DISP1: variants seen among roughly 807,000 people sequenced by gnomAD.
DISP1 encodes protein dispatched homolog 1.
In DISP1, 30 loss-of-function variants were observed where a neutral mutation model predicts 37.3. The ratio of observed to expected loss-of-function variants is 0.80; its 90% CI spans 0.60 to 1.09. The LOEUF (loss-of-function observed/expected upper bound fraction) is 1.09, where lower values mean the gene tolerates loss of function less well. Among genes scored for constraint, DISP1 ranks in the 50% least tolerant of loss-of-function variants. The pLI is 0.00. For synonymous variants in DISP1, 634 were observed against 690.2 expected (o/e 0.92, Z 1.28); for missense variants, 1,598 against 1,879.5 (o/e 0.85, Z 2.77).
intron 2 of DISP1, among the ~76,000 whole-genome samples, chr1:222,931,849 A>G (rs1351629043): frequency 6.6e-6 from 1 of 151,896 alleles, no homozygotes; most frequent in East Asian, 1.9e-4. Context: ...ATTTTCTTCA[A>G]AAGATCAATA....
chr1:222,992,286 AACT>A (rs1678758764), intron 7 of DISP1, among the ~76,000 whole-genome samples, 176 bp downstream of exon 7: 1 of 152,204 alleles, frequency 6.6e-6, no homozygotes, highest in Non-Finnish European at 1.5e-5. Flanking sequence ...TAGTTTAGTC[AACT>A]ACTAGTCTGA....
chr1:222,921,719 TAAC>T (rs748728776), intron 1 of DISP1, among the ~76,000 whole-genome samples: 9 of 152,336 alleles, frequency 5.9e-5, no homozygotes, highest in African/African-American at 1.2e-4. Context: ...ATATATGTAA[TAAC>T]AAGTTATAAA....
At chr1:222,827,142 G>A (rs1247440197) in intron 1 of DISP1, 2 of 152,190 alleles carry the variant, frequency 1.3e-5, no homozygotes, top group African/African-American at 4.8e-5. Flanking sequence ...ATGCTGTAAA[G>A]TTAGTCTTCT....
At position 222,991,549 on chromosome 1, in the gene DISP1, C is replaced by T. The variant is rs1678695987; in HGVS notation, c.693C>T (p.Gly231=). The part of the protein sequence containing the change: ...LGFEPRGTAI[G]QRLVTWNNMV... The stretch of plus-strand genomic sequence containing the variant: ...TTGAACCAAGAGGAACAGCAATAGG[C>T]CAGAGATTGGTCACATGGAATAATA... Residue 231 remains glycine, a synonymous_variant, in exon 6 of 9, where the codon GGC becomes GGT. Transcript: ENST00000675850. The T allele has an allele frequency of 1.2e-6, 2 of 1,613,582 alleles. No homozygotes were observed. The highest frequency in any genetic ancestry group is 2.7e-5 in the African/African-American group (2 of 74,848).
Position 223,005,102 on chromosome 1 carries a change from C to T in DISP1, c.3705C>T (p.Tyr1235=). Residue 1235 remains tyrosine, a synonymous_variant, in exon 9 of 9, where the codon TAC becomes TAT. Coordinates refer to ENST00000675850, the MANE Select transcript of DISP1 (RefSeq NM_001377229.1). ...TAGGGATGCCTGTGCATGCAGCTTA[C>T]AACAGTGAACTCAGCAAAAGCACTG... ...KNLGMPVHAA[Y]NSELSKSTES... 6.2e-7 allele frequency: 1 copy of T among 1,614,208 alleles called. No individual in the cohort carries two copies.
At chr1:222,847,670 CTATT>C (rs1300081147) in intron 1 of DISP1, among the ~76,000 whole-genome samples, 1 of 151,908 alleles carries the variant, frequency 6.6e-6, no homozygotes, top group Non-Finnish European at 1.5e-5. Context: ...AACCTGGATT[CTATT>C]AAGTCAATAT....
chr1:222,969,353 A>C (rs972406820), intron 3 of DISP1, among the ~76,000 whole-genome samples: 1 of 103,458 alleles, frequency 9.7e-6, no homozygotes, highest in Non-Finnish European at 2.0e-5. Flanking sequence ...CTGGGCAAAA[A>C]GAGTGAAACT....
At chr1:222,947,998 G>A (rs145654210) in intron 3 of DISP1, among the ~76,000 whole-genome samples, 1 of 152,156 alleles carries the variant, frequency 6.6e-6, no homozygotes, top group Admixed American at 6.5e-5. Context: ...ATTGGATATC[G>A]GAGGGGCAAA....
chr1:222,871,221 G>T (rs766498024), intron 1 of DISP1, among the ~76,000 whole-genome samples: 26 of 152,148 alleles, frequency 1.7e-4, no homozygotes, highest in Non-Finnish European at 3.5e-4. Context: ...AAGTCCGGTA[G>T]CATGATGCCT....
chr1:222,827,228 G>T (rs552243634), intron 1 of DISP1: 1 of 152,222 alleles, frequency 6.6e-6, no homozygotes, highest in Non-Finnish European at 1.5e-5. Context: ...GAACAGATTT[G>T]CCATTTGAAG....
intron 2 of DISP1, among the ~76,000 whole-genome samples, chr1:222,933,941 A>G (rs1673557900): frequency 6.6e-6 from 1 of 152,078 alleles, no homozygotes; most frequent in South Asian, 2.1e-4. Flanking sequence ...ATGACAACAA[A>G]GATCAATCCA....
At chr1:222,828,284 T>C (rs978976574) in intron 1 of DISP1, among the ~76,000 whole-genome samples, 27 of 152,166 alleles carry the variant, frequency 1.8e-4, no homozygotes, top group Non-Finnish European at 4.0e-4. Context: ...TATTCCATTT[T>C]CCCCCCTTTG....
At chr1:222,970,172 A>G (rs554316841) in intron 3 of DISP1, among the ~76,000 whole-genome samples, 1 of 152,312 alleles carries the variant, frequency 6.6e-6, no homozygotes, top group African/African-American at 2.4e-5. Flanking sequence ...AGCAATCTCA[A>G]CATGACCATC....
rs1558068077 is a variant in DISP1, at chr1:222,982,775, G to A, written c.510-305G>A. 2.6e-5 allele frequency among the ~76,000 whole-genome samples: 4 copies of A among 152,178 alleles called. No individual in the cohort carries two copies. In the East Asian group the frequency reaches 7.7e-4, roughly 29 times the overall value. On this transcript the variant is annotated intron_variant, in intron 3 of 8. Coordinates refer to ENST00000675850, the MANE Select transcript of DISP1 (RefSeq NM_001377229.1). ...GGAGAGAAGACTGAATCTGGTAGCTGTAGATCTCAGAGAAGAATGTTGTAC... is the reference window on the plus strand; with the variant it reads ...GGAGAGAAGACTGAATCTGGTAGCTATAGATCTCAGAGAAGAATGTTGTAC...
intron 1 of DISP1, among the ~76,000 whole-genome samples, chr1:222,895,653 C>T (rs923008533): frequency 6.6e-6 from 1 of 152,188 alleles, no homozygotes; most frequent in Non-Finnish European, 1.5e-5. Flanking sequence ...GAAAGACTCA[C>T]ACATACATGG....
chr1:222,943,379 T>G, intron 3 of DISP1, 47 bp downstream of exon 3: 1 of 1,611,390 alleles, frequency 6.2e-7, no homozygotes, highest in Non-Finnish European at 8.5e-7. Context: ...TAATGCCACG[T>G]GAACATGACA....
At chr1:222,858,034 C>T (rs1284062679) in intron 1 of DISP1, among the ~76,000 whole-genome samples, 1 of 152,146 alleles carries the variant, frequency 6.6e-6, no homozygotes, top group African/African-American at 2.4e-5. Flanking sequence ...AGACTTCAAA[C>T]TATACTATAA....
At chr1:222,883,925 G>C (rs1434437665) in intron 1 of DISP1, among the ~76,000 whole-genome samples, 1 of 152,170 alleles carries the variant, frequency 6.6e-6, no homozygotes, top group East Asian at 1.9e-4. Context: ...GAGGGGCTCT[G>C]ATTGTAAGGA....
rs561716600 is a variant in DISP1 at position 222,827,694 on chromosome 1, A to G, written c.-159+12616A>G. On this transcript the variant is annotated intron_variant, in intron 1 of 8. Coordinates refer to ENST00000675850, the MANE Select transcript of DISP1 (RefSeq NM_001377229.1). ...GTAGTTAGCTATCTAAAAAGCAACA[A>G]CTGGGTTTTATTTTATATGCATTGT... is the stretch of plus-strand genomic sequence containing the variant. 4 of 152,254 alleles carry G rather than the reference A, an allele frequency of 2.6e-5. No homozygotes were observed. In the East Asian group the frequency reaches 7.7e-4, roughly 29 times the overall value. 9.4% of individuals were successfully genotyped at this position (152,254 alleles called of 1,614,324 possible).
Sources: allele counts gnomAD v4.1 joint callset (sites outside exome capture counted in the v4.1 genomes callset), GRCh38; gene constraint gnomAD v4.1.1; transcripts MANE v1.5; gene names NCBI Gene and HGNC (gene_info 2026-07-23, HGNC 2026-07-21).